HORMAD2: variants seen among roughly 807,000 people sequenced by gnomAD.
HORMAD2 encodes the protein HORMA domain-containing protein 2.
A neutral mutation model predicts 38.8 loss-of-function variants in HORMAD2; 45 were observed. The ratio of observed to expected loss-of-function variants is 1.16; its 90% confidence interval spans 0.91 to 1.49. HORMAD2 has a LOEUF of 1.49. Among genes scored for constraint, HORMAD2 ranks in the 40% most tolerant of loss-of-function variants. The pLI, the probability that HORMAD2 is intolerant of heterozygous loss-of-function variation, is 0.00. For synonymous variants in HORMAD2, 126 were observed against 122.8 expected (o/e 1.03, Z -0.17); for missense variants, 338 against 367.0 (o/e 0.92, Z 0.65).
downstream of HORMAD2, among the ~76,000 whole-genome samples, chr22:30,177,447 G>A (rs774403791): frequency 5.9e-5 from 9 of 152,158 alleles, no homozygotes; most frequent in Non-Finnish European, 1.2e-4. Context: ...CTATAGCACT[G>A]GGGCCTGCAG....
chr22:30,144,417 A>G (rs73402619), intron 10 of HORMAD2, among the ~76,000 whole-genome samples: 6,514 of 152,150 alleles, frequency 0.043, 466 homozygotes, highest in African/African-American at 0.15. Flanking sequence ...TTTTGATACA[A>G]CCTCCATTGT....
In HORMAD2 at chr22:30,149,642, G is replaced by C. The variant is rs2048076153; in HGVS notation, c.820-26421G>C. Reference sequence around the variant, plus strand: ...GAATTTCCTTTCGCCAACTTCCAGGGAATTCTTTGCCCCTCCCCTGTGTTA... The same window carrying C: ...GAATTTCCTTTCGCCAACTTCCAGGCAATTCTTTGCCCCTCCCCTGTGTTA... On this transcript the variant is annotated intron_variant, in intron 10 of 10. Transcript: ENST00000336726. 2.0e-5 allele frequency among the ~76,000 whole-genome samples: 3 copies of C among 152,152 alleles called. No individual in the cohort carries two copies. In the South Asian group the frequency reaches 6.2e-4, roughly 31 times the overall value.
At chr22:30,121,097 A>C (rs1199120238) in intron 8 of HORMAD2, among the ~76,000 whole-genome samples, 1 of 152,240 alleles carries the variant, frequency 6.6e-6, no homozygotes, top group Non-Finnish European at 1.5e-5. Flanking sequence ...TGTGGACAAG[A>C]AGGAAAGCAG....
At chr22:30,201,579 G>A in the HORMAD2 span, among the ~76,000 whole-genome samples, 8 of 151,946 alleles carry the variant, frequency 5.3e-5, no homozygotes, top group Non-Finnish European at 1.2e-4. Flanking sequence ...CCCCTCGCCC[G>A]GCTAATTTTT....
chr22:30,205,629 C>A, the HORMAD2 span, among the ~76,000 whole-genome samples: 1 of 152,080 alleles, frequency 6.6e-6, no homozygotes, highest in Non-Finnish European at 1.5e-5. Flanking sequence ...TGTGACCCAG[C>A]GGTGAGGTGA....
At chr22:30,162,948 C>T (rs954433262) in intron 10 of HORMAD2, among the ~76,000 whole-genome samples, 1 of 152,028 alleles carries the variant, frequency 6.6e-6, no homozygotes, top group African/African-American at 2.4e-5. Context: ...GTGATCCACC[C>T]GCCTCAGCCT....
chr22:30,157,818 A>C (rs1684709438), intron 10 of HORMAD2, among the ~76,000 whole-genome samples: 1 of 152,208 alleles, frequency 6.6e-6, no homozygotes, highest in Non-Finnish European at 1.5e-5. Flanking sequence ...ATAACCTAAA[A>C]GAAATTAGAT....
At chr22:30,129,560 C>T (rs6519805) in intron 10 of HORMAD2, among the ~76,000 whole-genome samples, 11,869 of 152,106 alleles carry the variant, frequency 0.078, 545 homozygotes, top group African/African-American at 0.092. Flanking sequence ...AGACTCCATA[C>T]ATAGTGAATT....
intron 10 of HORMAD2, among the ~76,000 whole-genome samples, chr22:30,174,868 CA>C (rs1273811750): frequency 1.3e-5 from 2 of 152,102 alleles, no homozygotes; most frequent in Admixed American, 6.6e-5. Context: ...CAGCCCATTT[CA>C]AATTTTTACA....
At chr22:30,139,610 C>T (rs1222823668) in intron 10 of HORMAD2, among the ~76,000 whole-genome samples, 3 of 151,626 alleles carry the variant, frequency 2.0e-5, no homozygotes. Flanking sequence ...ATCTAATTGC[C>T]CTGGCTAGAA....
chr22:30,172,114 T>C (rs1214306011), intron 10 of HORMAD2, among the ~76,000 whole-genome samples: 3 of 152,098 alleles, frequency 2.0e-5, no homozygotes, highest in Non-Finnish European at 4.4e-5. Flanking sequence ...TGTGACACTT[T>C]CCCTCCCCTG....
At chr22:30,189,929 G>C in the HORMAD2 span, among the ~76,000 whole-genome samples, 1 of 152,022 alleles carries the variant, frequency 6.6e-6, no homozygotes, top group Admixed American at 6.6e-5. Flanking sequence ...CTCATGACTT[G>C]AGCTTGAACC....
the HORMAD2 span, among the ~76,000 whole-genome samples, chr22:30,191,315 A>G: frequency 2.6e-5 from 4 of 152,142 alleles, no homozygotes; most frequent in African/African-American, 9.7e-5. Flanking sequence ...TTGCAAATAG[A>G]GTCATCAGCA....
intron 6 of HORMAD2, among the ~76,000 whole-genome samples, chr22:30,112,167 A>G (rs1921713287): frequency 6.6e-6 from 1 of 152,116 alleles, no homozygotes; most frequent in Non-Finnish European, 1.5e-5. Flanking sequence ...ATACATAGTT[A>G]AGAATAGAAA....
chr22:30,097,305 G>A (rs2068799630), intron 2 of HORMAD2, among the ~76,000 whole-genome samples: 1 of 152,138 alleles, frequency 6.6e-6, no homozygotes, highest in Non-Finnish European at 1.5e-5. Flanking sequence ...ACATACTGAA[G>A]CAAAAGTCAC....
chr22:30,137,268 A>C, intron 10 of HORMAD2: 1 of 551,706 alleles, frequency 1.8e-6, no homozygotes, highest in Non-Finnish European at 3.4e-6. Context: ...CTTCAAACAC[A>C]TGACCCTTGA....
At chr22:30,179,898 T>C (rs1247206803), downstream of HORMAD2, among the ~76,000 whole-genome samples, 1 of 152,128 alleles carries the variant, frequency 6.6e-6, no homozygotes, top group Non-Finnish European at 1.5e-5. Context: ...ACTTTTATTT[T>C]ATTTTATTTT....
intron 10 of HORMAD2, among the ~76,000 whole-genome samples, chr22:30,126,575 T>C (rs910759784): frequency 7.2e-5 from 11 of 152,332 alleles, no homozygotes; most frequent in Admixed American, 1.3e-4. Context: ...TTAATGACAA[T>C]TTATTCATTC....
At chr22:30,158,822 C>T (rs1261534833) in intron 10 of HORMAD2, among the ~76,000 whole-genome samples, 2 of 151,612 alleles carry the variant, frequency 1.3e-5, no homozygotes, top group African/African-American at 4.9e-5. Context: ...GGAGCTGGAA[C>T]CACAAGCGCA....
Sources: allele counts gnomAD v4.1 joint callset (sites outside exome capture counted in the v4.1 genomes callset), GRCh38; gene constraint gnomAD v4.1.1; transcripts MANE v1.5; gene names NCBI Gene and HGNC (gene_info 2026-07-23, HGNC 2026-07-21).